NCOR2: variants seen among roughly 807,000 people sequenced by gnomAD.
NCOR2 encodes CTG repeat protein 26.
NCOR2 carries 81 observed loss-of-function variants against 262.9 expected under a neutral mutation model. The observed-to-expected ratio is 0.31, with a 90% CI of 0.26 to 0.37. The LOEUF (loss-of-function observed/expected upper bound fraction) is 0.37, where lower values mean the gene tolerates loss of function less well. Ranked by LOEUF, NCOR2 falls within the 10% of genes least tolerant of loss-of-function variation. NCOR2 has a pLI of 1.00. For missense variants in NCOR2, 3,385 were observed against 3,621.4 expected (o/e 0.93, Z 1.68); for synonymous variants, 1,659 against 1,559.3 (o/e 1.06, Z -1.51).
At chr12:124,368,363 C>T (rs959114389) in intron 20 of NCOR2, among the ~76,000 whole-genome samples, 2 of 152,200 alleles carry the variant, frequency 1.3e-5, no homozygotes, top group African/African-American at 4.8e-5. Context: ...TCCACCCAGC[C>T]CTTGCCTCAG....
At chr12:124,486,323 C>T in intron 2 of NCOR2, 118 bp downstream of exon 4, 1 of 1,467,252 alleles carries the variant, frequency 6.8e-7, no homozygotes, top group Admixed American at 2.4e-5. Flanking sequence ...AACACACGGC[C>T]CGACATCCCC....
intron 4 of NCOR2, among the ~76,000 whole-genome samples, chr12:124,466,917 G>A (rs142166923): frequency 3.9e-4 from 59 of 152,000 alleles, no homozygotes; most frequent in African/African-American, 1.4e-3. Context: ...TGCAAAGCAC[G>A]CAGCACCTGA....
chr12:124,447,280 C>T (rs1265178488), intron 7 of NCOR2, among the ~76,000 whole-genome samples: 2 of 152,200 alleles, frequency 1.3e-5, no homozygotes, highest in African/African-American at 4.8e-5. Context: ...TTCAGTGAGG[C>T]GGTTACCTAT....
chr12:124,452,236 G>A (rs140094087), intron 6 of NCOR2, among the ~76,000 whole-genome samples: 1 of 152,342 alleles, frequency 6.6e-6, no homozygotes, highest in African/African-American at 2.4e-5. Context: ...TGCAGAGGGT[G>A]CGAATCCTCG....
At chr12:124,406,125 G>A (rs1172941977) in intron 13 of NCOR2, among the ~76,000 whole-genome samples, 1 of 152,194 alleles carries the variant, frequency 6.6e-6, no homozygotes, top group East Asian at 1.9e-4. Flanking sequence ...TTTCTGTAAG[G>A]GCCAGAGGAT....
At chr12:124,326,495 A>G (rs77428605) in intron 45 of NCOR2, 125 bp from the exon 48 acceptor site, 32,679 of 951,110 alleles carry the variant, frequency 0.034, 1,078 homozygotes, top group South Asian at 0.13. Flanking sequence ...GGAGAGCAGT[A>G]ACGTGAACCC....
At chr12:124,358,433 T>C (rs1047479220) in intron 22 of NCOR2, among the ~76,000 whole-genome samples, 1 of 152,216 alleles carries the variant, frequency 6.6e-6, no homozygotes, top group African/African-American at 2.4e-5. Context: ...CGCCTGTGTG[T>C]GTGTGTTGTG....
exon 31 of NCOR2, chr12:124,346,641 T>C: frequency 6.3e-7 from 1 of 1,594,844 alleles, no homozygotes; most frequent in Non-Finnish European, 8.5e-7. Context: ...TCGCGCGGGA[T>C]CTCATGGATG....
intron 14 of NCOR2, among the ~76,000 whole-genome samples, 173 bp from the exon 17 acceptor site, chr12:124,400,846 G>C (rs539268508): frequency 1.1e-4 from 16 of 152,344 alleles, no homozygotes; most frequent in East Asian, 7.7e-4. Context: ...GGGCAAGTCT[G>C]CAGGGGCTCC....
At chr12:124,328,480 C>T (rs1299480171) in intron 44 of NCOR2, 1 of 152,484 alleles carries the variant, frequency 6.6e-6, no homozygotes, top group African/African-American at 2.4e-5. Flanking sequence ...TTCCAGAACA[C>T]CTCCTGACAA....
At chr12:124,383,378 C>T in intron 17 of NCOR2, 1 of 270,020 alleles carries the variant, frequency 3.7e-6, no homozygotes, top group Middle Eastern at 1.0e-3. Context: ...AAGAGGCGCC[C>T]TCGTCAGTGG....
intron 39 of NCOR2, 46 bp downstream of exon 41, chr12:124,335,437 C>T (rs775938922): frequency 1.8e-5 from 29 of 1,576,440 alleles, no homozygotes; most frequent in South Asian, 3.4e-5. Flanking sequence ...CTTGAGGGTC[C>T]TCACTGTGCA....
At position 124,346,557 on chromosome 12, in the gene NCOR2, G is replaced by A. The variant is rs1349845378; in HGVS notation, c.4359+7C>T. ...ACTGGGCCCGTGTGCCTGGCCCTGGGCCATACCTGCGTGATGGAGCCCTCC... is the reference window on the plus strand; with the variant it reads ...ACTGGGCCCGTGTGCCTGGCCCTGGACCATACCTGCGTGATGGAGCCCTCC... On this transcript the variant is annotated splice_region_variant and intron_variant, in intron 31 of 46. Coordinates refer to ENST00000405201, the Ensembl canonical transcript of NCOR2. The A allele has an allele frequency of 2.6e-6, 4 of 1,535,474 alleles. No homozygotes were observed. The highest frequency in any genetic ancestry group is 1.4e-5 in the African/African-American group (1 of 73,014).
chr12:124,466,938 C>T (rs1276703907), intron 4 of NCOR2, among the ~76,000 whole-genome samples: 1 of 151,820 alleles, frequency 6.6e-6, no homozygotes, highest in Non-Finnish European at 1.5e-5. Context: ...CACACAGGTG[C>T]TCCTCATCAA....
At chr12:124,372,438 G>T in exon 20 of NCOR2, 1 of 1,531,268 alleles carries the variant, frequency 6.5e-7, no homozygotes, top group Non-Finnish European at 8.7e-7. Context: ...CAGAGGCCGG[G>T]GTGGGCTCAG....
exon 43 of NCOR2, chr12:124,332,360 T>C: frequency 6.2e-7 from 1 of 1,614,228 alleles, no homozygotes. Context: ...CAGCTTCTTG[T>C]TGATCTCTTG....
chr12:124,518,321 T>A (rs1566019257), intron 1 of NCOR2: 1 of 152,264 alleles, frequency 6.6e-6, no homozygotes, highest in Non-Finnish European at 1.5e-5. Flanking sequence ...CCATCCTTCC[T>A]CCAGGATGAC....
chr12:124,500,917 G>A (rs1374724307), intron 1 of NCOR2, among the ~76,000 whole-genome samples: 1 of 152,160 alleles, frequency 6.6e-6, no homozygotes, highest in Non-Finnish European at 1.5e-5. Flanking sequence ...AGGCACGCGG[G>A]GCTCTGCGCC....
At chr12:124,560,279 GCAAACGCTGTACC>G (rs1270582041) in intron 1 of NCOR2, among the ~76,000 whole-genome samples, 1 of 152,258 alleles carries the variant, frequency 6.6e-6, no homozygotes, top group Non-Finnish European at 1.5e-5. Context: ...ACTCAACTTT[GCAAACGCTGTACC>G]CAAAAGCAGC....
Sources: allele counts gnomAD v4.1 joint callset (sites outside exome capture counted in the v4.1 genomes callset), GRCh38; gene constraint gnomAD v4.1.1; transcripts MANE v1.5; gene names NCBI Gene and HGNC (gene_info 2026-07-23, HGNC 2026-07-21).